SAMMSON: variants seen among roughly 807,000 people sequenced by gnomAD.
SAMMSON encodes long intergenic non-protein coding RNA 1212.
chr3:70,327,593 A>G (rs1232127191), intron 7 of SAMMSON, among the ~76,000 whole-genome samples: 2 of 152,192 alleles, frequency 1.3e-5, no homozygotes, highest in Non-Finnish European at 2.9e-5. Context: ...CCAAGTGAGG[A>G]AACTTCAGAG....
At chr3:70,184,299 C>G (rs968581047) in intron 4 of SAMMSON, 4 of 152,156 alleles carry the variant, frequency 2.6e-5, no homozygotes, top group Non-Finnish European at 1.5e-5. Context: ...TTTTCCCCTG[C>G]AGGACTTCTC....
chr3:70,385,951 T>C (rs1275192013), intron 9 of SAMMSON, among the ~76,000 whole-genome samples: 1 of 152,052 alleles, frequency 6.6e-6, no homozygotes, highest in Non-Finnish European at 1.5e-5. Flanking sequence ...TCCTGAGTTT[T>C]GGACTAGCAA....
At chr3:70,193,411 A>G (rs578047758) in intron 4 of SAMMSON, among the ~76,000 whole-genome samples, 27 of 152,272 alleles carry the variant, frequency 1.8e-4, no homozygotes, top group African/African-American at 6.3e-4. Flanking sequence ...CTTTCACCTC[A>G]GCCTCCTGAG....
chr3:70,131,769 A>G (rs940148259), intron 4 of SAMMSON, among the ~76,000 whole-genome samples: 2 of 151,876 alleles, frequency 1.3e-5, no homozygotes, highest in Non-Finnish European at 2.9e-5. Context: ...TTTTAAGTAG[A>G]GGTAGGGTCT....
chr3:70,102,035 T>C (rs2067348444), intron 4 of SAMMSON, among the ~76,000 whole-genome samples: 1 of 152,218 alleles, frequency 6.6e-6, no homozygotes, highest in Non-Finnish European at 1.5e-5. Context: ...ACATTTCCTT[T>C]GTGTTCTTGA....
chr3:70,047,398 G>A (rs1187696333), intron 3 of SAMMSON, among the ~76,000 whole-genome samples: 2 of 150,794 alleles, frequency 1.3e-5, no homozygotes, highest in Non-Finnish European at 2.9e-5. Flanking sequence ...GTATAACAGT[G>A]TGATCTCGGC....
chr3:70,306,028 G>C (rs1575621482), intron 7 of SAMMSON, among the ~76,000 whole-genome samples: 2 of 152,228 alleles, frequency 1.3e-5, no homozygotes, highest in South Asian at 4.1e-4. Flanking sequence ...AAACACTGAT[G>C]ATGTAACTTT....
intron 6 of SAMMSON, among the ~76,000 whole-genome samples, chr3:70,267,193 C>A (rs187491748): frequency 4.2e-4 from 64 of 152,040 alleles, no homozygotes; most frequent in African/African-American, 1.5e-3. Flanking sequence ...TACTTAATTC[C>A]CCCTTATGTT....
At chr3:70,113,705 C>A (rs573480403) in intron 4 of SAMMSON, among the ~76,000 whole-genome samples, 1 of 152,108 alleles carries the variant, frequency 6.6e-6, no homozygotes, top group African/African-American at 2.4e-5. Flanking sequence ...CCTTGACCAC[C>A]GCCCCAAACT....
chr3:70,343,702 G>A (rs115946816), intron 7 of SAMMSON, among the ~76,000 whole-genome samples: 207 of 151,764 alleles, frequency 1.4e-3, no homozygotes, highest in Non-Finnish European at 1.9e-3. Context: ...ACTGTACTCC[G>A]CAGAAGCAAG....
intron 3 of SAMMSON, chr3:70,025,243 T>C (rs1402213380): frequency 6.6e-6 from 1 of 152,138 alleles, no homozygotes; most frequent in Non-Finnish European, 1.5e-5. Context: ...TTATTTTATT[T>C]TTATTTATTT....
At chr3:70,168,051 A>G (rs2067645051) in intron 4 of SAMMSON, among the ~76,000 whole-genome samples, 1 of 152,030 alleles carries the variant, frequency 6.6e-6, no homozygotes, top group Admixed American at 6.6e-5. Flanking sequence ...CATTGTTTCC[A>G]TGGCCAAAGA....
At chr3:70,100,393 T>G (rs1021632354) in intron 4 of SAMMSON, among the ~76,000 whole-genome samples, 1 of 152,016 alleles carries the variant, frequency 6.6e-6, no homozygotes, top group Non-Finnish European at 1.5e-5. Flanking sequence ...AGCAATCTGT[T>G]TACCTTGGCC....
chr3:70,411,041 C>T (rs1701214405), intron 2 of SAMMSON, among the ~76,000 whole-genome samples: 6 of 152,136 alleles, frequency 3.9e-5, no homozygotes, highest in Admixed American at 3.9e-4. Context: ...CACAACCGAC[C>T]ATCCTTTTAT....
rs141160142 is a variant in SAMMSON, at chr3:70,428,306, GAAGA to G, written n.234-34249_234-34246del. On this transcript the variant is annotated intron_variant and non_coding_transcript_variant, in intron 2 of 3. Coordinates refer to the SAMMSON transcript ENST00000641053. Reference sequence around the variant, plus strand: ...GAATAGCCAAAAAAATTTTTTTGAAGAAGAAAGAGTTAGAAGGCTAATACTACCC... The same window carrying G: ...GAATAGCCAAAAAAATTTTTTTGAAGAAGAGTTAGAAGGCTAATACTACCC... Among the ~76,000 whole-genome samples the G allele has an allele frequency of 1.0e-3, 155 of 152,216 alleles. 1 individual carries two copies. In the East Asian group the frequency reaches 0.026, roughly 25 times the overall value.
At chr3:70,323,392 T>C (rs1702551730) in intron 7 of SAMMSON, among the ~76,000 whole-genome samples, 1 of 152,166 alleles carries the variant, frequency 6.6e-6, no homozygotes. Flanking sequence ...TCTGAGTTAG[T>C]ATGGTGACAC....
At chr3:70,372,271 T>G (rs1472882697) in intron 9 of SAMMSON, among the ~76,000 whole-genome samples, 1 of 151,862 alleles carries the variant, frequency 6.6e-6, no homozygotes. Context: ...TGGACTAAGA[T>G]GGTTTTGTTT....
intron 4 of SAMMSON, among the ~76,000 whole-genome samples, chr3:70,214,486 G>T (rs1274585687): frequency 1.3e-5 from 2 of 152,008 alleles, no homozygotes; most frequent in Non-Finnish European, 2.9e-5. Flanking sequence ...AGAAGTGAGT[G>T]TTCAAGGTGA....
chr3:70,299,339 C>G (rs961536628), intron 7 of SAMMSON, among the ~76,000 whole-genome samples: 5 of 151,598 alleles, frequency 3.3e-5, no homozygotes, highest in African/African-American at 1.2e-4. Context: ...TATACACACA[C>G]AAATATAAAG....
Sources: allele counts gnomAD v4.1 joint callset (sites outside exome capture counted in the v4.1 genomes callset), GRCh38; gene constraint gnomAD v4.1.1; transcripts MANE v1.5; gene names NCBI Gene and HGNC (gene_info 2026-07-23, HGNC 2026-07-21).